The following EFNB2 variants were observed in gnomAD, a reference collection of about 807,000 sequenced individuals.
EFNB2 encodes ephrin B2.
EFNB2 carries 5 observed loss-of-function variants against 32.1 expected under a neutral mutation model. That is an observed-to-expected ratio of 0.16 (90% confidence interval 0.08 to 0.33). EFNB2 has a LOEUF of 0.33. Among genes scored for constraint, EFNB2 ranks in the 10% least tolerant of loss-of-function variants. EFNB2 has a pLI of 1.00. For synonymous variants in EFNB2, 168 were observed against 166.5 expected (o/e 1.01, Z -0.07); for missense variants, 263 against 422.6 (o/e 0.62, Z 3.31).
At chr13:106,534,614 C>A (rs1422870632) in intron 1 of EFNB2, among the ~76,000 whole-genome samples, 1 of 150,026 alleles carries the variant, frequency 6.7e-6, no homozygotes, top group Admixed American at 6.6e-5. Flanking sequence ...CGCCTGGGAG[C>A]GTTCGGGGGA....
chr13:106,500,537 G>A (rs889933700), intron 2 of EFNB2, among the ~76,000 whole-genome samples: 6 of 152,186 alleles, frequency 3.9e-5, no homozygotes, highest in Admixed American at 1.3e-4. Context: ...TATCAACTCC[G>A]TTGAAGAAGT....
chr13:106,490,484 ATCAAT>A lies in EFNB2; in HGVS notation c.*2551_*2555del, dbSNP rs879889967. On this transcript the variant is annotated 3_prime_UTR_variant, in exon 5 of 5. Transcript: ENST00000646441. ...TCAATTGGTTGCAGGGAACTCTTTT[ATCAAT>A]TCATCTGATTTTTCACAGTTTAGCA... 3.9e-5 allele frequency: 6 copies of A among 152,216 alleles called. No homozygotes were observed. The highest frequency in any genetic ancestry group is 7.3e-5 in the Non-Finnish European group (5 of 68,044). The allele number at this position is 152,216 out of a possible 1,614,324, so 9.4% of individuals were successfully genotyped here. A position where few individuals can be genotyped will look rare whatever the true frequency, so the allele number is the denominator to read the frequency against.
intron 2 of EFNB2, among the ~76,000 whole-genome samples, chr13:106,503,992 G>A (rs1173752247): frequency 6.6e-6 from 1 of 152,206 alleles, no homozygotes; most frequent in African/African-American, 2.4e-5. Context: ...ACTTCCCAGG[G>A]AAGGGATAGT....
chr13:106,512,793 G>A lies in EFNB2; in HGVS notation c.142C>T (p.Leu48=). The part of the protein sequence containing the change: ...SNSKFLPGQG[L]VLYPQIGDKL... ...TCTCCTATCTGTGGGTATAGTACCAGTCCTTGTCCAGGTAGAAATCTAAAA... is the reference window on the plus strand; with the variant it reads ...TCTCCTATCTGTGGGTATAGTACCAATCCTTGTCCAGGTAGAAATCTAAAA... The change falls in exon 2 of 5, where the codon CTG becomes TTG. Residue 48 remains leucine, a synonymous_variant. Transcript: ENST00000646441. 2 of 1,578,680 alleles carry A rather than the reference G, an allele frequency of 1.3e-6. No individual in the cohort carries two copies. The highest frequency in any genetic ancestry group is 1.7e-6 in the Non-Finnish European group (2 of 1,160,934).
At chr13:106,514,818 G>A (rs1370899026) in intron 1 of EFNB2, among the ~76,000 whole-genome samples, 2 of 152,076 alleles carry the variant, frequency 1.3e-5, no homozygotes, top group Non-Finnish European at 2.9e-5. Context: ...CAAGCCCTGG[G>A]GGCATCCCAG....
At chr13:106,498,532 A>G (rs557517915) in intron 2 of EFNB2, among the ~76,000 whole-genome samples, 3 of 152,326 alleles carry the variant, frequency 2.0e-5, no homozygotes, top group African/African-American at 7.2e-5. Context: ...TAAAATCTCT[A>G]GAGTATTAAA....
intron 1 of EFNB2, chr13:106,516,914 A>G (rs1344659396): frequency 6.6e-6 from 1 of 152,222 alleles, no homozygotes; most frequent in Admixed American, 6.5e-5. Context: ...AATATATATG[A>G]AAAGAAAATG....
rs374833315 is a variant in EFNB2, at chr13:106,492,842, C to T, written c.*198G>A. Reference sequence around the variant, plus strand: ...GCACAGTCTTCCAGCTTCCAGGGAGCGTGTGTGTTCACCAAGGCCGAATGC... The same window carrying T: ...GCACAGTCTTCCAGCTTCCAGGGAGTGTGTGTGTTCACCAAGGCCGAATGC... On this transcript the variant is annotated 3_prime_UTR_variant, in exon 5 of 5. Coordinates refer to ENST00000646441, the MANE Select transcript of EFNB2 (RefSeq NM_004093.4). This position sits in a 1 kb window ranked among gnomAD's most constrained non-coding sequence, Gnocchi z 5.1. 2.3e-5 allele frequency: 15 copies of T among 651,386 alleles called. No homozygotes were observed. The highest frequency in any genetic ancestry group is 6.0e-5 in the Admixed American group (2 of 33,446). 40.4% of individuals were successfully genotyped at this position (651,386 alleles called of 1,614,324 possible).
In EFNB2 at chr13:106,534,800, G is replaced by A. The variant is rs762773732; in HGVS notation, c.122+43C>T. 4 of 1,578,722 alleles carry A rather than the reference G, an allele frequency of 2.5e-6. No homozygotes were observed. In the East Asian group the frequency reaches 7.0e-5, roughly 27 times the overall value. ...CTCCTCCCGCCCGGACGGCGCGGCG[G>A]ACCCCGGGGCGGGGACATAGGGGGA... On this transcript the variant is annotated intron_variant, in intron 1 of 4. Coordinates refer to ENST00000646441, the MANE Select transcript of EFNB2 (RefSeq NM_004093.4).
Position 106,493,442 on chromosome 13 carries a change from G to C in EFNB2, c.614-14C>G. 1 of 1,597,710 alleles carries C rather than the reference G, an allele frequency of 6.3e-7. No individual in the cohort carries two copies. The highest frequency in any genetic ancestry group is 8.5e-7 in the Non-Finnish European group (1 of 1,170,160). ...CTGTGCTAGAACCTGCAGACGCGGA[G>C]ACAGAAAAGGTCAGAGATAGTTACT... On this transcript the variant is annotated splice_polypyrimidine_tract_variant and intron_variant, in intron 4 of 4. Transcript: ENST00000646441. The surrounding 1 kb of genome is among the most constrained non-coding windows in gnomAD (Gnocchi z 6.1).
Position 106,495,843 on chromosome 13 carries a change from G to T in EFNB2, c.407-3C>A. 3.1e-6 allele frequency: 5 copies of T among 1,609,802 alleles called. No homozygotes were observed. The highest frequency in any genetic ancestry group is 2.5e-6 in the Non-Finnish European group (3 of 1,178,588). On this transcript the variant is annotated splice_polypyrimidine_tract_variant and splice_region_variant and intron_variant, in intron 2 of 4. Transcript: ENST00000646441. ...CTCCAAAGACCCATTTGATGTAGCT[G>T]ATTAAAAATAAAATGGACAAAACAA...
chr13:106,499,083 C>G (rs547776596), intron 2 of EFNB2, among the ~76,000 whole-genome samples: 1 of 152,214 alleles, frequency 6.6e-6, no homozygotes, highest in East Asian at 1.9e-4. Context: ...CTGGTACTAA[C>G]TGAAACTCCA....
chr13:106,493,064 C>G lies in EFNB2; in HGVS notation c.978G>C (p.Pro326=), dbSNP rs200504952. 1.2e-6 allele frequency: 2 copies of G among 1,611,964 alleles called. No homozygotes were observed. The highest frequency in any genetic ancestry group is 1.7e-6 in the Non-Finnish European group (2 of 1,178,772). ...CTCAGACCTTGTAGTAAATGTTCGC[C>G]GGGCTCTGCGGGGGCATCTCCTGGA... is the stretch of plus-strand genomic sequence containing the variant. ...YIVQEMPPQS[P]ANIYYKV The change falls in exon 5 of 5, where the codon CCG becomes CCC. Residue 326 remains proline, a synonymous_variant. Coordinates refer to ENST00000646441, the MANE Select transcript of EFNB2 (RefSeq NM_004093.4). The surrounding 1 kb of genome is among the most constrained non-coding windows in gnomAD (Gnocchi z 6.1).
chr13:106,534,784 C>T, intron 1 of EFNB2, 59 bp downstream of exon 1: 1 of 1,547,936 alleles, frequency 6.5e-7, no homozygotes, highest in South Asian at 1.2e-5. Context: ...CCTCCTCCCG[C>T]CCGGACGGCG....
Position 106,535,657 on chromosome 13 carries a change from G to T in EFNB2, c.-693C>A, listed in dbSNP as rs981922435. 6.6e-6 allele frequency: 1 copy of T among 150,766 alleles called. No homozygotes were observed. Among genetic ancestry groups the T allele is most frequent in the Non-Finnish European group, 1.5e-5 (1 of 67,556 alleles). 9.3% of individuals were successfully genotyped at this position (150,766 alleles called of 1,614,324 possible). On this transcript the variant is annotated 5_prime_UTR_variant, in exon 1 of 5. Coordinates refer to ENST00000646441, the MANE Select transcript of EFNB2 (RefSeq NM_004093.4). ...GGCGCCGCGGTCCCCGCCGAGGAGA[G>T]TCAGCGCGGCCGCCGCGCTGTCAGA...
At chr13:106,532,608 A>G (rs1594180740) in intron 1 of EFNB2, among the ~76,000 whole-genome samples, 1 of 152,204 alleles carries the variant, frequency 6.6e-6, no homozygotes, top group East Asian at 1.9e-4. Flanking sequence ...TGATCTCTGG[A>G]GCTAGCATTC....
At chr13:106,500,106 A>T (rs1878722953) in intron 2 of EFNB2, among the ~76,000 whole-genome samples, 2 of 152,216 alleles carry the variant, frequency 1.3e-5, no homozygotes. Flanking sequence ...ACTGTAAAGC[A>T]GACTGGAAGG....
chr13:106,515,981 C>T (rs1330769019), intron 1 of EFNB2, among the ~76,000 whole-genome samples: 1 of 152,128 alleles, frequency 6.6e-6, no homozygotes, highest in Non-Finnish European at 1.5e-5. Context: ...AGGCAAGTCC[C>T]ACATGTGACT....
chr13:106,492,350 C>G lies in EFNB2; in HGVS notation c.*690G>C, dbSNP rs1878436863. On this transcript the variant is annotated 3_prime_UTR_variant, in exon 5 of 5. Transcript: ENST00000646441. The surrounding 1 kb of genome is among the most constrained non-coding windows in gnomAD (Gnocchi z 5.1). ...ATGAACTCCTAGCCTTCTTCGCAGA[C>G]AGCCTAGCATCTGGCTAAAGGGCAC... 1 of 152,234 alleles carries G rather than the reference C, an allele frequency of 6.6e-6. No homozygotes were observed. Among genetic ancestry groups the G allele is most frequent in the South Asian group, 2.1e-4 (1 of 4,836 alleles). 9.4% of individuals were successfully genotyped at this position (152,234 alleles called of 1,614,324 possible).
Sources: gnomAD v4.1 joint callset for allele counts (sites outside exome capture counted in the v4.1 genomes callset) on GRCh38, gnomAD v4.1.1 for gene constraint, Gnocchi (gnomAD v3.1) non-coding constraint, MANE v1.5 for transcripts, NCBI Gene and HGNC (gene_info 2026-07-23, HGNC 2026-07-21) for gene names.